CIITA: variants seen among roughly 807,000 people sequenced by gnomAD.
CIITA encodes the protein class II major histocompatibility complex transactivator, also known as MHC class II transactivator.
CIITA carries 72 observed loss-of-function variants against 115.1 expected under a neutral mutation model. That is an observed-to-expected ratio of 0.63 (90% CI 0.52 to 0.76). The LOEUF is 0.76. CIITA is among the 30% of genes least tolerant of loss of function. The pLI is 0.00. For missense variants in CIITA, 1,617 were observed against 1,463.8 expected, an observed-to-expected ratio of 1.10 and a Z score of -1.71; for synonymous variants, 763 against 635.6, an observed-to-expected ratio of 1.20 and a Z score of -3.02.
intron 18 of CIITA, chr16:10,922,980 T>C: frequency 1.8e-6 from 1 of 569,242 alleles, no homozygotes; most frequent in South Asian, 2.0e-5. Context: ...ATGAGGAAAA[T>C]AAAGCACAGA....
At position 10,886,581 on chromosome 16, in the gene CIITA, A is replaced by T. The variant is rs73499479; in HGVS notation, c.53-8701A>T. 7.4e-3 allele frequency among the ~76,000 whole-genome samples: 1,123 copies of T among 152,342 alleles called. 10 individuals carry two copies. The highest frequency in any genetic ancestry group is 0.025 in the African/African-American group (1,031 of 41,574). Reference sequence around the variant, plus strand: ...GTCGTTCTCCAGAGCGGCCCCATCCATCTACATTCCCACAAACCCGTGTAA... The same window carrying T: ...GTCGTTCTCCAGAGCGGCCCCATCCTTCTACATTCCCACAAACCCGTGTAA... On this transcript the variant is annotated intron_variant, in intron 1 of 19. Coordinates refer to ENST00000324288, the MANE Select transcript of CIITA (RefSeq NM_000246.4).
At chr16:10,922,894 C>G in intron 18 of CIITA, 1 of 498,436 alleles carries the variant, frequency 2.0e-6, no homozygotes. Context: ...TATATTCTTT[C>G]AAAGCACTTT....
At position 10,907,561 on chromosome 16, in the gene CIITA, T is replaced by C. The variant is rs1235685919; in HGVS notation, c.2069T>C (p.Met690Thr). 1 of 1,614,176 alleles carries C rather than the reference T, an allele frequency of 6.2e-7. No homozygotes were observed. Among genetic ancestry groups the C allele is most frequent in the Non-Finnish European group, 8.5e-7 (1 of 1,180,016 alleles). The stretch of plus-strand genomic sequence containing the variant: ...TCCGCAGACGTGAGGACCTGGGCGA[T>C]GGCCAAAGGCTTAGTCCAACACCCA... ...FPSADVRTWA[M>T]AKGLVQHPPR... The change falls in exon 11 of 20, where the codon ATG becomes ACG. Residue 690 changes from methionine (M) to threonine (T), a missense_variant. Coordinates refer to ENST00000324288, the MANE Select transcript of CIITA (RefSeq NM_000246.4). This position sits in a 1 kb window ranked among gnomAD's most constrained non-coding sequence, Gnocchi z 5.0.
intron 1 of CIITA, among the ~76,000 whole-genome samples, chr16:10,883,987 C>G (rs11639511): frequency 0.53 from 81,065 of 152,138 alleles, 25,674 homozygotes; most frequent in Non-Finnish European, 0.72. Context: ...ATCAATGAAC[C>G]TACATTGATG....
chr16:10,921,954 T>C (rs1037616887), intron 16 of CIITA, among the ~76,000 whole-genome samples: 5 of 152,248 alleles, frequency 3.3e-5, no homozygotes, highest in African/African-American at 1.2e-4. Context: ...TATTCATTCC[T>C]AGCCTCTATT....
downstream of CIITA, chr16:10,938,277 C>T (rs1319908305): frequency 6.6e-6 from 1 of 151,906 alleles, no homozygotes. This position sits in a 1 kb window ranked among gnomAD's most constrained non-coding sequence, Gnocchi z 4.9. Context: ...AACCCAGGGC[C>T]CTGGCTCTTA....
intron 10 of CIITA, 129 bp from the exon 11 acceptor site, chr16:10,906,370 A>G (rs1383137121): frequency 4.2e-6 from 5 of 1,194,202 alleles, no homozygotes; most frequent in Admixed American, 2.0e-5. Flanking sequence ...AAAACAAAAC[A>G]AAACAAACAA....
chr16:10,876,810 A>G (rs199476056), upstream of CIITA, among the ~76,000 whole-genome samples: 30 of 152,352 alleles, frequency 2.0e-4, no homozygotes, highest in Non-Finnish European at 4.1e-4. Context: ...GCATCTAAGA[A>G]GTCCCCAGCA....
chr16:10,908,195 A>T, intron 11 of CIITA, 46 bp downstream of exon 11: 1 of 1,549,198 alleles, frequency 6.5e-7, no homozygotes, highest in East Asian at 2.4e-5. Context: ...GTTGGGCATT[A>T]ACTGCGGTCT....
At chr16:10,916,910 C>G in intron 15 of CIITA, 1 of 284,042 alleles carries the variant, frequency 3.5e-6, no homozygotes, top group Non-Finnish European at 6.8e-6. Flanking sequence ...GGAGACCCAG[C>G]TTTAAACAAA....
At chr16:10,897,434 C>T (rs150060842) in intron 3 of CIITA, among the ~76,000 whole-genome samples, 1 of 152,330 alleles carries the variant, frequency 6.6e-6, no homozygotes, top group African/African-American at 2.4e-5. Flanking sequence ...CCCCAGTCAC[C>T]TCTTAAAGGC....
rs879396188 is a variant in CIITA at position 10,902,026 on chromosome 16, A to G, written c.482-12A>G. ...AAGCACCCAGTCTCTAACACAGCCC[A>G]CTTCCTCACAGCTGAGCCCCCCACT... On this transcript the variant is annotated splice_polypyrimidine_tract_variant and intron_variant, in intron 6 of 19. Coordinates refer to ENST00000324288, the MANE Select transcript of CIITA (RefSeq NM_000246.4). 3 of 1,613,772 alleles carry G rather than the reference A, an allele frequency of 1.9e-6. No homozygotes were observed. Among genetic ancestry groups the G allele is most frequent in the Admixed American group, 1.7e-5 (1 of 60,012 alleles).
chr16:10,915,498 T>A, intron 13 of CIITA, 72 bp from the exon 14 acceptor site: 1 of 1,220,466 alleles, frequency 8.2e-7, no homozygotes, highest in Non-Finnish European at 1.2e-6. Context: ...GCCTTGTCTC[T>A]GCCCCACCCT....
chr16:10,901,905 G>C lies in CIITA; in HGVS notation c.482-133G>C. 1 of 1,295,514 alleles carries C rather than the reference G, an allele frequency of 7.7e-7. No individual in the cohort carries two copies. The highest frequency in any genetic ancestry group is 1.2e-5 in the South Asian group (1 of 81,698). The allele number at this position is 1,295,514 out of a possible 1,614,324, so 80.3% of individuals were successfully genotyped here. A position where few individuals can be genotyped will look rare whatever the true frequency, so the allele number is the denominator to read the frequency against. ...CACAGAGCAGTTGCTGATCAACACA[G>C]CTGCAGCCAGGGCTGAGAAGATGAC... On this transcript the variant is annotated intron_variant, in intron 6 of 19. Coordinates refer to ENST00000324288, the MANE Select transcript of CIITA (RefSeq NM_000246.4). The surrounding 1 kb of genome is among the most constrained non-coding windows in gnomAD (Gnocchi z 6.8).
chr16:10,871,740 T>G (rs6416647), intron 1 of CIITA, among the ~76,000 whole-genome samples: 1 of 151,868 alleles, frequency 6.6e-6, no homozygotes, highest in Admixed American at 6.6e-5. Flanking sequence ...CTGTTCTGAT[T>G]TTGGGAGTCT....
At chr16:10,885,354 A>G (rs1387502391) in intron 1 of CIITA, among the ~76,000 whole-genome samples, 1 of 152,164 alleles carries the variant, frequency 6.6e-6, no homozygotes, top group East Asian at 1.9e-4. Flanking sequence ...ACACACATGC[A>G]TGCAGGCACA....
At chr16:10,912,763 C>T (rs1245018300) in intron 13 of CIITA, among the ~76,000 whole-genome samples, 1 of 152,226 alleles carries the variant, frequency 6.6e-6, no homozygotes, top group Admixed American at 6.5e-5. Flanking sequence ...AGTTCAAGAT[C>T]GGAACTGCGC....
upstream of CIITA, among the ~76,000 whole-genome samples, chr16:10,876,568 C>A (rs76456090): frequency 6.6e-6 from 1 of 152,192 alleles, no homozygotes; most frequent in Admixed American, 6.5e-5. Flanking sequence ...TGGGCAGAGA[C>A]TGGAAAAGAC....
intron 1 of CIITA, among the ~76,000 whole-genome samples, chr16:10,880,229 G>T (rs902118464): frequency 1.3e-5 from 2 of 152,142 alleles, no homozygotes; most frequent in African/African-American, 4.8e-5. Context: ...CCCCACACAT[G>T]AACATCACCT....
Sources: allele counts gnomAD v4.1 joint callset (sites outside exome capture counted in the v4.1 genomes callset), GRCh38; gene constraint gnomAD v4.1.1; non-coding constraint Gnocchi (gnomAD v3.1); transcripts MANE v1.5; gene names NCBI Gene and HGNC (gene_info 2026-07-23, HGNC 2026-07-21).